Variants in RASL12 observed in about 807,000 individuals in gnomAD.
RASL12 encodes ras-like protein family member 12.
A neutral mutation model predicts 22.9 loss-of-function variants in RASL12; 16 were observed. That is an observed-to-expected ratio of 0.70 (90% CI 0.47 to 1.06). The LOEUF (loss-of-function observed/expected upper bound fraction) is 1.06. RASL12 is among the 50% of genes least tolerant of loss of function. The pLI is 0.00. For synonymous variants in RASL12, 159 were observed against 152.2 expected (o/e 1.04, Z -0.33); for missense variants, 306 against 353.1 (o/e 0.87, Z 1.07).
At chr15:65,048,121 C>T in the RASL12 span, among the ~76,000 whole-genome samples, 514 of 151,442 alleles carry the variant, frequency 3.4e-3, 4 homozygotes, top group Middle Eastern at 0.01. Flanking sequence ...GCATAGGTTG[C>T]AGTGAGCTGA....
rs747600219 is a variant in RASL12, at chr15:65,058,577, T to C, written c.275A>G (p.His92Arg). 2.5e-6 allele frequency: 4 copies of C among 1,598,914 alleles called. No homozygotes were observed. Among genetic ancestry groups the C allele is most frequent in the Admixed American group, 3.4e-5 (2 of 59,104 alleles). ...RNCERYLNWA[H>R]AFLVVYSVDS... Reference sequence around the variant, plus strand: ...GACGCTGTACACCACCAGGAAGGCATGGGCCCAGTTCAGGTAGCGCTCGCA... The same window carrying C: ...GACGCTGTACACCACCAGGAAGGCACGGGCCCAGTTCAGGTAGCGCTCGCA... The change falls in exon 4 of 5, where the codon CAT becomes CGT. Residue 92 changes from histidine (H) to arginine (R), a missense_variant. Physicochemically the swap from His to Arg is conservative, Grantham distance 29. Coordinates refer to ENST00000220062, the MANE Select transcript of RASL12 (RefSeq NM_016563.4).
At chr15:65,055,503 A>G (rs1046172913) in intron 4 of RASL12, among the ~76,000 whole-genome samples, 30 of 152,222 alleles carry the variant, frequency 2.0e-4, no homozygotes, top group African/African-American at 6.8e-4. Flanking sequence ...AGTACCTGGC[A>G]CAGAGTCAGT....
Position 65,067,728 on chromosome 15 carries a change from C to A in RASL12, c.103+5G>T, listed in dbSNP as rs1208113955. The A allele has an allele frequency of 1.9e-6, 3 of 1,554,996 alleles. No homozygotes were observed. The Admixed American group carries it at 5.6e-5, about 29-fold the overall frequency. ...TGGCGGCTCAGGCTCCCCGGCGCCA[C>A]TCACCAGACTTGCCAGCCCCGCGGC... On this transcript the variant is annotated splice_donor_5th_base_variant and intron_variant, in intron 1 of 4. Transcript: ENST00000220062.
chr15:65,057,998 A>G (rs1311401079), intron 4 of RASL12, among the ~76,000 whole-genome samples: 2 of 152,172 alleles, frequency 1.3e-5, no homozygotes, highest in East Asian at 3.9e-4. Context: ...GTGGTCGGGC[A>G]CGGTGGCTCA....
chr15:65,047,863 A>G, the RASL12 span, among the ~76,000 whole-genome samples: 1 of 152,174 alleles, frequency 6.6e-6, no homozygotes, highest in Admixed American at 6.5e-5. Context: ...GTAAGTAGGC[A>G]GTGTGCATGT....
chr15:65,064,969 A>C (rs1412255976), intron 2 of RASL12, among the ~76,000 whole-genome samples: 1 of 152,132 alleles, frequency 6.6e-6, no homozygotes, highest in East Asian at 1.9e-4. Flanking sequence ...CACACCTCAT[A>C]TTTTAGGGTA....
downstream of RASL12, chr15:65,051,395 G>A (rs888691979): frequency 1.1e-6 from 1 of 881,854 alleles, no homozygotes; most frequent in Non-Finnish European, 1.8e-6. Flanking sequence ...TTTGATTAGG[G>A]TCTCCACGCA....
chr15:65,056,069 G>A (rs145624292), intron 4 of RASL12, among the ~76,000 whole-genome samples: 3 of 152,214 alleles, frequency 2.0e-5, no homozygotes, highest in Admixed American at 6.5e-5. Context: ...CATGGGAATC[G>A]AGGCGGGAAG....
chr15:65,055,412 T>C, intron 4 of RASL12, 138 bp from the exon 5 acceptor site: 1 of 714,126 alleles, frequency 1.4e-6, no homozygotes, highest in Non-Finnish European at 2.3e-6. Flanking sequence ...TCAGCGTTCT[T>C]ATCAGTACAG....
intron 2 of RASL12, among the ~76,000 whole-genome samples, chr15:65,063,676 GCTCT>G (rs1209457154): frequency 6.6e-6 from 1 of 152,194 alleles, no homozygotes; most frequent in Non-Finnish European, 1.5e-5. Flanking sequence ...GAACCCCTTT[GCTCT>G]CTCTGTTTGA....
At chr15:65,051,561 C>A, downstream of RASL12, 1 of 1,613,698 alleles carries the variant, frequency 6.2e-7, no homozygotes, top group South Asian at 1.1e-5. Flanking sequence ...CTGTGGTGGT[C>A]ATTATAAGCA....
chr15:65,071,612 G>T (rs550475792), upstream of RASL12, among the ~76,000 whole-genome samples: 1 of 152,238 alleles, frequency 6.6e-6, no homozygotes, highest in East Asian at 1.9e-4. Context: ...CCCACTCAAG[G>T]CAGGGCTGGA....
chr15:65,050,833 C>CTTTTTTTTT (rs67418433), downstream of RASL12, among the ~76,000 whole-genome samples: 4 of 88,602 alleles, frequency 4.5e-5, no homozygotes, highest in African/African-American at 4.5e-5. Flanking sequence ...TCTTCTTCTT[C>CTTTTTTTTT]TTCTTTTTTT....
intron 2 of RASL12, among the ~76,000 whole-genome samples, chr15:65,062,111 G>C (rs981947311): frequency 6.6e-6 from 1 of 152,002 alleles, no homozygotes; most frequent in Non-Finnish European, 1.5e-5. Flanking sequence ...GCTGGAGGAG[G>C]AGGAGAGCAA....
At chr15:65,053,016 T>G (rs1275533384), downstream of RASL12, 1 of 1,613,540 alleles carries the variant, frequency 6.2e-7, no homozygotes, top group Non-Finnish European at 8.5e-7. Context: ...GTCCTGCATT[T>G]GGATGAGGCC....
Position 65,057,993 on chromosome 15 carries a change from C to G in RASL12, c.425+434G>C, listed in dbSNP as rs186799603. ...ACCCTTACAACATAATCCCTGTGGTCGGGCACGGTGGCTCACGCCTGTAAT... is the reference window on the plus strand; with the variant it reads ...ACCCTTACAACATAATCCCTGTGGTGGGGCACGGTGGCTCACGCCTGTAAT... On this transcript the variant is annotated intron_variant, in intron 4 of 4. Coordinates refer to ENST00000220062, the MANE Select transcript of RASL12 (RefSeq NM_016563.4). Among the ~76,000 whole-genome samples the G allele has an allele frequency of 3.4e-3, 513 of 152,300 alleles. 3 individuals carry two copies. Among genetic ancestry groups the G allele is most frequent in the Middle Eastern group, 0.01 (3 of 294 alleles).
intron 1 of RASL12, among the ~76,000 whole-genome samples, chr15:65,066,342 A>G (rs1369329804): frequency 1.3e-5 from 2 of 152,130 alleles, no homozygotes; most frequent in Non-Finnish European, 2.9e-5. Flanking sequence ...ATGCAGTGAC[A>G]CTGTTATCTC....
At chr15:65,053,107 AAAAG>A (rs770073689), downstream of RASL12, 6 of 1,614,092 alleles carry the variant, frequency 3.7e-6, no homozygotes, top group Non-Finnish European at 5.1e-6. Context: ...AACTTGAGTT[AAAAG>A]AGAGAGATGT....
rs191228241 is a variant in RASL12, at chr15:65,060,515, G to T, written c.161-1097C>A. On this transcript the variant is annotated intron_variant, in intron 2 of 4. Transcript: ENST00000220062. ...AGTTGTTACTTTTTTTATATATATG[G>T]TTCTCATGATCTCAAATCTGAGAAA... 4.6e-3 allele frequency among the ~76,000 whole-genome samples: 700 copies of T among 152,204 alleles called. 6 individuals carry two copies. The highest frequency in any genetic ancestry group is 0.016 in the African/African-American group (670 of 41,516).
Sources: allele counts gnomAD v4.1 joint callset (sites outside exome capture counted in the v4.1 genomes callset), GRCh38; gene constraint gnomAD v4.1.1; transcripts MANE v1.5; gene names NCBI Gene and HGNC (gene_info 2026-07-23, HGNC 2026-07-21).